The following BCAS4 variants were observed in gnomAD, a reference collection of about 807,000 sequenced individuals.
BCAS4 encodes breast carcinoma-amplified sequence 4.
In BCAS4, 9 loss-of-function variants were observed where a neutral mutation model predicts 15.7. The observed-to-expected ratio is 0.57, with a 90% CI of 0.34 to 1.00. BCAS4 has a LOEUF of 1.00. BCAS4 is among the 50% of genes least tolerant of loss of function. The pLI is 0.02. For missense variants in BCAS4, 225 were observed against 239.1 expected (o/e 0.94, Z 0.39); for synonymous variants, 101 against 99.5 (o/e 1.02, Z -0.09).
chr20:50,820,037 G>C (rs1229532036), intron 2 of BCAS4, among the ~76,000 whole-genome samples: 5 of 147,060 alleles, frequency 3.4e-5, no homozygotes, highest in South Asian at 4.2e-4. Flanking sequence ...TTTTAGTAGA[G>C]ACAGCATGTT....
intron 2 of BCAS4, among the ~76,000 whole-genome samples, chr20:50,819,135 A>G (rs1298494925): frequency 6.6e-6 from 1 of 151,890 alleles, no homozygotes; most frequent in African/African-American, 2.4e-5. Context: ...GTGAGCTGAG[A>G]TTGCGCCACT....
intron 2 of BCAS4, among the ~76,000 whole-genome samples, chr20:50,830,044 G>A (rs2088324482): frequency 6.6e-6 from 1 of 152,174 alleles, no homozygotes; most frequent in African/African-American, 2.4e-5. Context: ...TGGTTGGTGG[G>A]AAGTGATTAA....
intron 2 of BCAS4, among the ~76,000 whole-genome samples, chr20:50,820,220 TCCCATCAAGC>T (rs777514062): frequency 7.9e-5 from 12 of 152,266 alleles, no homozygotes; most frequent in Non-Finnish European, 1.3e-4. Flanking sequence ...CCATCTCCAT[TCCCATCAAGC>T]CCCAGTGTAT....
intron 4 of BCAS4, among the ~76,000 whole-genome samples, chr20:50,854,008 G>A (rs1008169497): frequency 7.2e-5 from 11 of 152,172 alleles, no homozygotes; most frequent in African/African-American, 2.7e-4. Context: ...CCGAGTTAAG[G>A]ACCACTGGCC....
chr20:50,854,343 A>G (rs1167335862), intron 4 of BCAS4, among the ~76,000 whole-genome samples: 3 of 152,004 alleles, frequency 2.0e-5, no homozygotes, highest in Admixed American at 6.6e-5. Flanking sequence ...GGCAGCTTCT[A>G]TGTAGCAGTA....
chr20:50,847,234 G>A (rs899746457), intron 4 of BCAS4, among the ~76,000 whole-genome samples: 3 of 152,058 alleles, frequency 2.0e-5, no homozygotes, highest in African/African-American at 4.8e-5. Context: ...TTACAGGCGC[G>A]CACCACAATG....
downstream of BCAS4, chr20:50,877,372 G>C (rs1980010509): frequency 6.6e-6 from 1 of 152,208 alleles, no homozygotes; most frequent in Non-Finnish European, 1.5e-5. Context: ...AGGACCCCCA[G>C]GGTCTTCAAA....
chr20:50,803,123 G>T (rs1324425721), intron 1 of BCAS4, among the ~76,000 whole-genome samples: 1 of 152,228 alleles, frequency 6.6e-6, no homozygotes, highest in East Asian at 1.9e-4. Flanking sequence ...GGAGGTTGCA[G>T]TGAGCCAAGA....
chr20:50,818,678 G>A (rs1019034129), intron 2 of BCAS4, among the ~76,000 whole-genome samples: 2 of 152,208 alleles, frequency 1.3e-5, no homozygotes, highest in African/African-American at 4.8e-5. Context: ...GCCAGGAAAT[G>A]GCTTCAGGCC....
At chr20:50,875,131 G>A (rs1369165153) in intron 4 of BCAS4, among the ~76,000 whole-genome samples, 1 of 152,208 alleles carries the variant, frequency 6.6e-6, no homozygotes, top group Non-Finnish European at 1.5e-5. Context: ...CCCAGGCCAC[G>A]CCCCCGAGTA....
At chr20:50,803,180 C>G (rs1236712045) in intron 1 of BCAS4, among the ~76,000 whole-genome samples, 1 of 152,204 alleles carries the variant, frequency 6.6e-6, no homozygotes, top group African/African-American at 2.4e-5. Flanking sequence ...GATTCTGTCT[C>G]AAAAACAAAA....
chr20:50,855,807 G>A (rs1978727115), intron 4 of BCAS4, among the ~76,000 whole-genome samples: 2 of 152,242 alleles, frequency 1.3e-5, no homozygotes, highest in African/African-American at 4.8e-5. Flanking sequence ...AGTAACAACA[G>A]CCATGAACCT....
intron 4 of BCAS4, among the ~76,000 whole-genome samples, chr20:50,852,908 T>C (rs927817645): frequency 3.3e-5 from 5 of 152,062 alleles, no homozygotes; most frequent in African/African-American, 1.2e-4. Context: ...CATTTGAGTC[T>C]CCTCAGCGGG....
At position 50,853,506 on chromosome 20, in the gene BCAS4, G is replaced by A. The variant is rs114809766; in HGVS notation, c.399+11606G>A. Among the ~76,000 whole-genome samples, 993 of 152,060 alleles carry A rather than the reference G, an allele frequency of 6.5e-3. 9 individuals are homozygous for A. The highest frequency in any genetic ancestry group is 0.019 in the African/African-American group (776 of 41,462). ...TCATCATAGAGAAACTCTGTCCCTC[G>A]CAGCTCCTCGTATCATAATGCAAAC... is the stretch of plus-strand genomic sequence containing the variant. On this transcript the variant is annotated intron_variant, in intron 4 of 4. Coordinates refer to ENST00000371608, the MANE Select transcript of BCAS4 (RefSeq NM_198799.4).
intron 4 of BCAS4, among the ~76,000 whole-genome samples, chr20:50,866,402 A>G (rs901103750): frequency 6.6e-6 from 1 of 152,218 alleles, no homozygotes; most frequent in Non-Finnish European, 1.5e-5. Flanking sequence ...AGGCGGGGAC[A>G]GTGACAAACC....
chr20:50,834,587 G>A (rs537482594), intron 3 of BCAS4, among the ~76,000 whole-genome samples: 69 of 152,234 alleles, frequency 4.5e-4, no homozygotes, highest in African/African-American at 1.5e-3. Flanking sequence ...GAGCCACCAC[G>A]TCCAGCAGAT....
intron 4 of BCAS4, among the ~76,000 whole-genome samples, chr20:50,869,137 C>A (rs1023694485): frequency 6.6e-6 from 1 of 152,202 alleles, no homozygotes; most frequent in Non-Finnish European, 1.5e-5. Flanking sequence ...AGAAACCCTG[C>A]CTTAAAGAGT....
At chr20:50,865,011 T>C (rs1401476436) in intron 4 of BCAS4, among the ~76,000 whole-genome samples, 1 of 152,068 alleles carries the variant, frequency 6.6e-6, no homozygotes, top group Non-Finnish European at 1.5e-5. Flanking sequence ...CAGAATTACT[T>C]GAACCCTGGA....
At chr20:50,804,737 G>GT (rs1354948015) in intron 1 of BCAS4, among the ~76,000 whole-genome samples, 1 of 152,194 alleles carries the variant, frequency 6.6e-6, no homozygotes, top group Non-Finnish European at 1.5e-5. Flanking sequence ...TTAGAGCAGA[G>GT]TAGTCAGCCC....
Sources: gnomAD v4.1 joint callset for allele counts (sites outside exome capture counted in the v4.1 genomes callset) on GRCh38, gnomAD v4.1.1 for gene constraint, MANE v1.5 for transcripts, NCBI Gene and HGNC (gene_info 2026-07-23, HGNC 2026-07-21) for gene names.